BFSP1: variants seen among roughly 807,000 people sequenced by gnomAD.
BFSP1 encodes the protein filensin.
In BFSP1, 38 loss-of-function variants were observed where a neutral mutation model predicts 43.9. That is an observed-to-expected ratio of 0.87 (90% CI 0.67 to 1.14). The LOEUF is 1.14. Among genes scored for constraint, BFSP1 ranks in the 50% most tolerant of loss-of-function variants. The pLI, the probability that BFSP1 is intolerant of heterozygous loss-of-function variation, is 0.00. For synonymous variants in BFSP1, 352 were observed against 354.8 expected (o/e 0.99, Z 0.09); for missense variants, 850 against 875.1 (o/e 0.97, Z 0.36).
chr20:17,497,566 G>A (rs796847048), intron 6 of BFSP1, among the ~76,000 whole-genome samples: 1,203 of 118,230 alleles, frequency 0.01, 16 homozygotes, highest in Middle Eastern at 0.063. Context: ...ATATGTGTGT[G>A]TATATGTATA....
intron 2 of BFSP1, among the ~76,000 whole-genome samples, chr20:17,521,907 G>A (rs1439301522): frequency 6.6e-6 from 1 of 152,142 alleles, no homozygotes; most frequent in East Asian, 1.9e-4. Context: ...ATGAGGGGTG[G>A]GGAACTTATC....
intron 2 of BFSP1, among the ~76,000 whole-genome samples, chr20:17,517,603 G>T (rs895736899): frequency 6.6e-6 from 1 of 152,110 alleles, no homozygotes. Flanking sequence ...CTTTCTAGAA[G>T]TAGCCACTTT....
intron 6 of BFSP1, among the ~76,000 whole-genome samples, chr20:17,497,540 ATG>A (rs1336615047): frequency 8.1e-6 from 1 of 123,576 alleles, no homozygotes; most frequent in Non-Finnish European, 1.7e-5. Flanking sequence ...GTATGTATAT[ATG>A]TGTGTATATA....
chr20:17,566,941 G>C (rs6080739), intron 1 of BFSP1, among the ~76,000 whole-genome samples: 16 of 152,194 alleles, frequency 1.1e-4, no homozygotes, highest in African/African-American at 3.6e-4. Flanking sequence ...TGTGAGCCAC[G>C]GTGCCCGGCC....
In BFSP1 at chr20:17,514,790, G is replaced by T; in HGVS notation, c.465C>A (p.Asn155Lys). Residue 155 changes from asparagine to lysine, a missense_variant, in exon 3 of 8, where the codon AAC becomes AAA. Transcript: ENST00000377873. ...ATTGGGCTTCCAGCTGAAGGCGTAG[G>T]TTATGCAGCAAGGCTTCATCAGCTT... The part of the protein sequence containing the change: ...NKEADEALLH[N>K]LRLQLEAQFL... 1.2e-6 allele frequency: 2 copies of T among 1,614,004 alleles called. No individual in the cohort carries two copies. Among genetic ancestry groups the T allele is most frequent in the South Asian group, 2.2e-5 (2 of 91,074 alleles).
intron 1 of BFSP1, among the ~76,000 whole-genome samples, chr20:17,546,344 C>T (rs776500343): frequency 5.3e-5 from 8 of 152,108 alleles, no homozygotes; most frequent in Non-Finnish European, 7.4e-5. Context: ...GAGAAACCGC[C>T]GCCATAATCC....
chr20:17,544,092 T>G (rs547919165), intron 1 of BFSP1, among the ~76,000 whole-genome samples: 2 of 152,318 alleles, frequency 1.3e-5, no homozygotes, highest in South Asian at 4.1e-4. Flanking sequence ...ATTTTGGACA[T>G]GATCCCAGGA....
intron 2 of BFSP1, among the ~76,000 whole-genome samples, chr20:17,516,271 G>T (rs2034197633): frequency 1.3e-5 from 2 of 152,164 alleles, no homozygotes; most frequent in Admixed American, 1.3e-4. Flanking sequence ...AGGTTGCAGT[G>T]AGCCAAGATC....
chr20:17,557,796 C>T (rs756181351), intron 1 of BFSP1, among the ~76,000 whole-genome samples: 2 of 152,120 alleles, frequency 1.3e-5, no homozygotes, highest in Admixed American at 6.5e-5. Context: ...TTGTGAGTCA[C>T]GCTGCTCTGT....
At chr20:17,523,698 C>T (rs2034361357) in intron 2 of BFSP1, among the ~76,000 whole-genome samples, 1 of 150,994 alleles carries the variant, frequency 6.6e-6, no homozygotes, top group South Asian at 2.1e-4. Flanking sequence ...CCTGCATTGA[C>T]TGACCTGTGT....
chr20:17,498,906 G>C lies in BFSP1; in HGVS notation c.870C>G (p.Tyr290Ter), dbSNP rs199579980. 1.9e-6 allele frequency: 3 copies of C among 1,614,134 alleles called. No individual in the cohort carries two copies. Among genetic ancestry groups the C allele is most frequent in the Non-Finnish European group, 2.5e-6 (3 of 1,180,042 alleles). The change falls in exon 6 of 8, where the codon TAC becomes TAG. Residue 290 changes from tyrosine (Y) to a stop codon, truncating the protein, a stop_gained. Transcript: ENST00000377873. LOFTEE classifies it high-confidence loss of function. ...GGGCGACCGCCAGCTGCCGGCAGTC[G>C]TAAGAAGACTTCTCCAGGACCCGCT... ...ETERVLEKSS[Y>*]DCRQLAVAQQ...
At chr20:17,542,339 C>G (rs1171511843) in intron 1 of BFSP1, among the ~76,000 whole-genome samples, 3 of 151,672 alleles carry the variant, frequency 2.0e-5, no homozygotes, top group Non-Finnish European at 4.4e-5. Flanking sequence ...CCTGTAATCC[C>G]TGCACTTTAG....
At chr20:17,526,640 T>A (rs2034431677) in intron 1 of BFSP1, among the ~76,000 whole-genome samples, 1 of 152,220 alleles carries the variant, frequency 6.6e-6, no homozygotes, top group East Asian at 1.9e-4. Flanking sequence ...TATATGCAAG[T>A]AGCTATTCAA....
rs746958587 is a variant in BFSP1, at chr20:17,508,909, T to TC, written c.714dup (p.Arg239GlufsTer16). On this transcript the variant is annotated frameshift_variant, in exon 5 of 8. Coordinates refer to ENST00000377873, the MANE Select transcript of BFSP1 (RefSeq NM_001195.5). LOFTEE classifies it high-confidence loss of function. ...CGTACCTGTGCCTGCAGCTCCACTC[T>TC]CTGCGCCTGCAGGTGGGAGAGCACC... The TC allele has an allele frequency of 1.2e-6, 2 of 1,603,540 alleles. No individual in the cohort carries two copies. The highest frequency in any genetic ancestry group is 2.3e-5 in the South Asian group (2 of 88,788).
chr20:17,550,433 C>T (rs1232492192), intron 1 of BFSP1, among the ~76,000 whole-genome samples: 1 of 149,808 alleles, frequency 6.7e-6, no homozygotes, highest in Admixed American at 6.7e-5. Flanking sequence ...CATTTTAGTG[C>T]ATAAGTACAT....
At chr20:17,566,736 CCCCTGCCTCCTGGGTTCAAGCAATT>C (rs2035124235) in intron 1 of BFSP1, among the ~76,000 whole-genome samples, 1 of 152,154 alleles carries the variant, frequency 6.6e-6, no homozygotes, top group Non-Finnish European at 1.5e-5. Context: ...CTCACTGCAG[CCCCTGCCTCCTGGGTTCAAGCAATT>C]CCCTGCCTCA....
At chr20:17,539,240 A>G (rs2034678209) in intron 1 of BFSP1, among the ~76,000 whole-genome samples, 1 of 149,280 alleles carries the variant, frequency 6.7e-6, no homozygotes, top group Non-Finnish European at 1.5e-5. Context: ...CTGCCAAACT[A>G]GCTGGGACTA....
At chr20:17,529,358 G>A (rs765266504) in intron 1 of BFSP1, among the ~76,000 whole-genome samples, 35 of 152,210 alleles carry the variant, frequency 2.3e-4, no homozygotes, top group Non-Finnish European at 3.7e-4. Context: ...TTACAGGCGT[G>A]AGCCACTGCA....
intron 1 of BFSP1, among the ~76,000 whole-genome samples, chr20:17,538,607 CG>C (rs2123555135): frequency 6.6e-6 from 1 of 152,252 alleles, no homozygotes; most frequent in South Asian, 2.1e-4. Context: ...AATGATGGTA[CG>C]GATTTTCAGA....
Sources: allele counts gnomAD v4.1 joint callset (sites outside exome capture counted in the v4.1 genomes callset), GRCh38; gene constraint gnomAD v4.1.1; transcripts MANE v1.5; gene names NCBI Gene and HGNC (gene_info 2026-07-23, HGNC 2026-07-21).